Variants in DCLK2 observed in about 807,000 individuals in gnomAD.
The protein encoded by DCLK2 is serine/threonine-protein kinase DCLK2.
In DCLK2, 31 loss-of-function variants were observed where a neutral mutation model predicts 78.4. The observed-to-expected ratio is 0.40, with a 90% confidence interval of 0.30 to 0.53. DCLK2 has a LOEUF of 0.53. DCLK2 is among the 20% of genes least tolerant of loss of function. The pLI is 0.61. For missense variants in DCLK2, 872 were observed against 973.7 expected, an observed-to-expected ratio of 0.90 and a Z score of 1.39; for synonymous variants, 407 against 374.9, an observed-to-expected ratio of 1.09 and a Z score of -0.99.
chr4:150,192,691 A>T (rs1738553392), intron 2 of DCLK2, among the ~76,000 whole-genome samples: 1 of 152,096 alleles, frequency 6.6e-6, no homozygotes. Flanking sequence ...AATCCTCGAA[A>T]CAACCCAAGG....
intron 1 of DCLK2, among the ~76,000 whole-genome samples, chr4:150,085,484 A>G (rs1429028824): frequency 2.0e-5 from 3 of 152,284 alleles, no homozygotes; most frequent in East Asian, 3.9e-4. Flanking sequence ...CACTCCCACA[A>G]TAACAGCTTT....
intron 1 of DCLK2, among the ~76,000 whole-genome samples, chr4:150,081,577 G>A (rs186702128): frequency 1.3e-5 from 2 of 151,992 alleles, no homozygotes; most frequent in Non-Finnish European, 2.9e-5. Context: ...TAAAATTACT[G>A]CAAAAGAAGA....
chr4:150,105,317 A>G (rs1055464645), intron 2 of DCLK2, among the ~76,000 whole-genome samples: 1 of 152,168 alleles, frequency 6.6e-6, no homozygotes, highest in African/African-American at 2.4e-5. Flanking sequence ...GTAATTTAAT[A>G]TGAAAAAGAC....
chr4:150,250,490 G>A (rs185254988), intron 15 of DCLK2, among the ~76,000 whole-genome samples: 61 of 152,148 alleles, frequency 4.0e-4, no homozygotes, highest in Non-Finnish European at 6.2e-4. Context: ...ACCCAGGCAG[G>A]GACCTTGGTT....
At chr4:150,154,049 C>T (rs1408973597) in intron 2 of DCLK2, among the ~76,000 whole-genome samples, 2 of 152,174 alleles carry the variant, frequency 1.3e-5, no homozygotes, top group African/African-American at 4.8e-5. Context: ...TGGCACTGAT[C>T]AAAGGGTGTC....
chr4:150,248,211 C>G, intron 13 of DCLK2, 94 bp from the exon 14 acceptor site: 1 of 1,074,404 alleles, frequency 9.3e-7, no homozygotes, highest in Non-Finnish European at 1.4e-6. Flanking sequence ...TGGCTCTTCT[C>G]TGAAGTGCTT....
intron 7 of DCLK2, 75 bp downstream of exon 7, chr4:150,221,860 G>A (rs1204386525): frequency 1.2e-5 from 12 of 984,140 alleles, no homozygotes; most frequent in Middle Eastern, 2.5e-4. Context: ...TACAGATACA[G>A]TTTTCCTTGG....
chr4:150,222,662 A>G (rs947091571), intron 7 of DCLK2, among the ~76,000 whole-genome samples: 12 of 151,930 alleles, frequency 7.9e-5, no homozygotes, highest in East Asian at 5.8e-4. Context: ...CCCAGCCACC[A>G]TGGTGAAACC....
At chr4:150,116,853 T>G (rs1032067247) in intron 2 of DCLK2, among the ~76,000 whole-genome samples, 1 of 152,166 alleles carries the variant, frequency 6.6e-6, no homozygotes, top group African/African-American at 2.4e-5. Context: ...GCTGTGTTCT[T>G]CTACCTGGAG....
chr4:150,224,528 G>A lies in DCLK2; in HGVS notation c.1269G>A (p.Lys423=), dbSNP rs781369516. Residue 423 remains lysine, a synonymous_variant, in exon 8 of 16, where the codon AAG becomes AAA. Transcript: ENST00000296550. The part of the protein sequence containing the change: ...DRSTGKEFAL[K]IIDKAKCCGK... ...CCACTGGAAAGGAGTTTGCCCTAAA[G>A]ATTATAGACAAAGCCAAATGTTGTG... 4 of 1,612,768 alleles carry A rather than the reference G, an allele frequency of 2.5e-6. No individual in the cohort carries two copies. The South Asian group carries it at 4.4e-5, about 18-fold the overall frequency.
At chr4:150,209,311 C>G (rs767674910) in intron 5 of DCLK2, among the ~76,000 whole-genome samples, 1 of 152,158 alleles carries the variant, frequency 6.6e-6, no homozygotes, top group Non-Finnish European at 1.5e-5. Flanking sequence ...TTTCTGCAGG[C>G]CACACACAGC....
chr4:150,237,512 A>G (rs1742597123), intron 10 of DCLK2, among the ~76,000 whole-genome samples: 2 of 152,222 alleles, frequency 1.3e-5, no homozygotes, highest in South Asian at 2.1e-4. Context: ...AACGTTATTC[A>G]GATACTAAAG....
chr4:150,165,371 T>C (rs1352754454), intron 2 of DCLK2, among the ~76,000 whole-genome samples: 1 of 152,174 alleles, frequency 6.6e-6, no homozygotes, highest in African/African-American at 2.4e-5. Flanking sequence ...ATACAATAAC[T>C]GCTGATTGGG....
chr4:150,242,394 A>G (rs1742992727), intron 12 of DCLK2, among the ~76,000 whole-genome samples: 1 of 152,234 alleles, frequency 6.6e-6, no homozygotes, highest in Non-Finnish European at 1.5e-5. Context: ...GTGGTCTTCC[A>G]CCAAAGTCAT....
intron 10 of DCLK2, among the ~76,000 whole-genome samples, chr4:150,234,856 C>T (rs1366885721): frequency 1.3e-5 from 2 of 152,024 alleles, no homozygotes; most frequent in Non-Finnish European, 2.9e-5. Context: ...TAGGATATGG[C>T]GTTCTCTCCT....
chr4:150,213,775 A>G lies in DCLK2; in HGVS notation c.1057-6928A>G, dbSNP rs116033065. The stretch of plus-strand genomic sequence containing the variant: ...ATAAAACATGTTCTAGATATACCAT[A>G]GTGTATATTTTGATCAGCAAGTCTA... On this transcript the variant is annotated intron_variant, in intron 5 of 15. Coordinates refer to ENST00000296550, the MANE Select transcript of DCLK2 (RefSeq NM_001040260.4). 9.3e-3 allele frequency among the ~76,000 whole-genome samples: 1,412 copies of G among 152,322 alleles called. 25 individuals are homozygous for G. Among genetic ancestry groups the G allele is most frequent in the African/African-American group, 0.032 (1,335 of 41,556 alleles).
chr4:150,194,356 A>G (rs936487869), intron 3 of DCLK2, among the ~76,000 whole-genome samples: 5 of 152,194 alleles, frequency 3.3e-5, no homozygotes, highest in African/African-American at 1.2e-4. Flanking sequence ...TGTTCACACA[A>G]TGAATAAATT....
intron 2 of DCLK2, among the ~76,000 whole-genome samples, chr4:150,148,504 C>A (rs1044434308): frequency 6.6e-6 from 1 of 152,060 alleles, no homozygotes; most frequent in African/African-American, 2.4e-5. Flanking sequence ...CTGAAGCAAT[C>A]CTCCTGCCTC....
intron 2 of DCLK2, among the ~76,000 whole-genome samples, chr4:150,156,038 T>G (rs1240373096): frequency 6.6e-6 from 1 of 151,876 alleles, no homozygotes; most frequent in Non-Finnish European, 1.5e-5. Context: ...GAAAAGAGTC[T>G]TTTAGGAAGG....
Sources: gnomAD v4.1 joint callset for allele counts (sites outside exome capture counted in the v4.1 genomes callset) on GRCh38, gnomAD v4.1.1 for gene constraint, MANE v1.5 for transcripts, NCBI Gene and HGNC (gene_info 2026-07-23, HGNC 2026-07-21) for gene names.